Variants in JAKMIP2 observed in about 807,000 individuals in gnomAD.
JAKMIP2 encodes janus kinase and microtubule interacting protein 2.
A neutral mutation model predicts 115.0 loss-of-function variants in JAKMIP2; 25 were observed. The ratio of observed to expected loss-of-function variants is 0.22; its 90% CI spans 0.16 to 0.30. The LOEUF (loss-of-function observed/expected upper bound fraction) is 0.30, where lower values mean the gene tolerates loss of function less well. Among genes scored for constraint, JAKMIP2 ranks in the 10% least tolerant of loss-of-function variants. JAKMIP2 has a pLI of 1.00. For missense variants in JAKMIP2, 642 were observed against 957.6 expected, an observed-to-expected ratio of 0.67 and a Z score of 4.35; for synonymous variants, 334 against 343.6, an observed-to-expected ratio of 0.97 and a Z score of 0.31.
At chr5:147,601,269 C>T (rs922643969) in intron 21 of JAKMIP2, among the ~76,000 whole-genome samples, 1 of 152,026 alleles carries the variant, frequency 6.6e-6, no homozygotes, top group African/African-American at 2.4e-5. Flanking sequence ...TTATGCTAAC[C>T]AAAGCAAGTG....
intron 20 of JAKMIP2, among the ~76,000 whole-genome samples, chr5:147,608,947 T>C (rs974669181): frequency 4.6e-5 from 7 of 152,192 alleles, no homozygotes; most frequent in South Asian, 4.1e-4. Flanking sequence ...TTTGTCTTTT[T>C]TGATTTTTGT....
intron 2 of JAKMIP2, among the ~76,000 whole-genome samples, chr5:147,666,375 T>C (rs1271593233): frequency 6.6e-6 from 1 of 152,176 alleles, no homozygotes; most frequent in Non-Finnish European, 1.5e-5. Context: ...TACTTTGAAA[T>C]GAAGAAAATT....
intron 18 of JAKMIP2, among the ~76,000 whole-genome samples, chr5:147,620,060 A>C (rs1299316367): frequency 6.6e-6 from 1 of 152,098 alleles, no homozygotes; most frequent in Non-Finnish European, 1.5e-5. Context: ...ACTGTTCTTC[A>C]TTTAATATTA....
chr5:147,746,118 A>G (rs1580869982), intron 1 of JAKMIP2, among the ~76,000 whole-genome samples: 1 of 152,334 alleles, frequency 6.6e-6, no homozygotes, highest in South Asian at 2.1e-4. Flanking sequence ...GGAAAAATCC[A>G]AAAGTAAATA....
chr5:147,742,155 A>ATTT (rs755006646), intron 1 of JAKMIP2, among the ~76,000 whole-genome samples: 4 of 108,902 alleles, frequency 3.7e-5, no homozygotes, highest in Non-Finnish European at 5.6e-5. Flanking sequence ...ATATATATAT[A>ATTT]TTTTTTTTAC....
intron 1 of JAKMIP2, among the ~76,000 whole-genome samples, chr5:147,774,579 G>T (rs908187478): frequency 1.3e-5 from 2 of 152,018 alleles, no homozygotes; most frequent in Non-Finnish European, 2.9e-5. Context: ...GAGTATTCTT[G>T]CACTTAAAAT....
intron 8 of JAKMIP2, among the ~76,000 whole-genome samples, chr5:147,641,132 CTA>C (rs1458581979): frequency 5.3e-5 from 8 of 152,114 alleles, no homozygotes; most frequent in Non-Finnish European, 1.0e-4. Flanking sequence ...TGTATTTAAA[CTA>C]TGACCAAAGG....
chr5:147,683,353 G>C (rs904668071), intron 1 of JAKMIP2, among the ~76,000 whole-genome samples: 2 of 152,086 alleles, frequency 1.3e-5, no homozygotes, highest in Admixed American at 6.5e-5. Context: ...TTAGCGGGGC[G>C]TGGTGGCACC....
At chr5:147,681,462 C>T (rs906355386) in intron 1 of JAKMIP2, among the ~76,000 whole-genome samples, 8 of 152,214 alleles carry the variant, frequency 5.3e-5, no homozygotes, top group Admixed American at 5.2e-4. Flanking sequence ...CATACCTCTT[C>T]ACCATACCCC....
chr5:147,616,885 T>G (rs1268093140), intron 19 of JAKMIP2, among the ~76,000 whole-genome samples: 1 of 152,210 alleles, frequency 6.6e-6, no homozygotes, highest in Non-Finnish European at 1.5e-5. Context: ...ATGTCCCCCA[T>G]GAATTGTTTT....
intron 3 of JAKMIP2, among the ~76,000 whole-genome samples, chr5:147,659,803 A>G (rs1438501059): frequency 1.3e-5 from 2 of 152,182 alleles, no homozygotes; most frequent in African/African-American, 4.8e-5. Flanking sequence ...GAATGAGTTG[A>G]CATAAAGAAT....
intron 1 of JAKMIP2, among the ~76,000 whole-genome samples, chr5:147,751,061 A>C (rs1276974468): frequency 6.7e-6 from 1 of 149,482 alleles, no homozygotes; most frequent in Non-Finnish European, 1.5e-5. Flanking sequence ...TTCCCTGTTA[A>C]AAGTCAGAAT....
chr5:147,764,948 G>GAAAAGAAAGAAAGAAAGAA (rs1755083719), intron 1 of JAKMIP2, among the ~76,000 whole-genome samples: 1 of 56,566 alleles, frequency 1.8e-5, no homozygotes, highest in African/African-American at 1.1e-4. Context: ...GAGAGAGAGG[G>GAAAAGAAAGAAAGAAAGAA]AGAGAGAGAG....
At chr5:147,621,971 G>A (rs144587091) in intron 17 of JAKMIP2, among the ~76,000 whole-genome samples, 17,282 of 152,128 alleles carry the variant, frequency 0.11, 1,327 homozygotes, top group South Asian at 0.27. Flanking sequence ...GGGTTCAAGC[G>A]ATTCTGCTGC....
chr5:147,749,513 T>C (rs1005206144), intron 1 of JAKMIP2, among the ~76,000 whole-genome samples: 1 of 152,222 alleles, frequency 6.6e-6, no homozygotes, highest in Non-Finnish European at 1.5e-5. Context: ...TTTCTTCCAG[T>C]TCTCTTAGTG....
chr5:147,648,009 A>AAC (rs1199248573), intron 5 of JAKMIP2, among the ~76,000 whole-genome samples: 2 of 152,164 alleles, frequency 1.3e-5, no homozygotes. Context: ...AAATCTCACA[A>AAC]ACAAAGCTGA....
intron 19 of JAKMIP2, among the ~76,000 whole-genome samples, chr5:147,613,322 A>T (rs1180327692): frequency 6.6e-6 from 1 of 152,194 alleles, no homozygotes; most frequent in African/African-American, 2.4e-5. Flanking sequence ...TCTATGGAGA[A>T]AACACTAGAA....
chr5:147,651,540 C>T (rs879684920), intron 3 of JAKMIP2, among the ~76,000 whole-genome samples: 7 of 151,764 alleles, frequency 4.6e-5, no homozygotes, highest in East Asian at 1.9e-4. Flanking sequence ...AACAACATTA[C>T]GCTGTTTTGC....
At chr5:147,642,812 T>C (rs1265795532) in intron 7 of JAKMIP2, among the ~76,000 whole-genome samples, 1 of 152,146 alleles carries the variant, frequency 6.6e-6, no homozygotes, top group Admixed American at 6.5e-5. Context: ...TACGTGGGTG[T>C]TGCCAAAGGA....
Sources: gnomAD v4.1 joint callset for allele counts (sites outside exome capture counted in the v4.1 genomes callset) on GRCh38, gnomAD v4.1.1 for gene constraint, MANE v1.5 for transcripts, NCBI Gene and HGNC (gene_info 2026-07-23, HGNC 2026-07-21) for gene names.